Variants in FETUB observed in about 807,000 individuals in gnomAD.
The protein encoded by FETUB is fetuin-B.
In FETUB, 28 loss-of-function variants were observed where a neutral mutation model predicts 30.9. That is an observed-to-expected ratio of 0.90 (90% CI 0.67 to 1.24). FETUB has a LOEUF of 1.24. Among genes scored for constraint, FETUB ranks in the 50% most tolerant of loss-of-function variants. The pLI is 0.00. For synonymous variants in FETUB, 186 were observed against 175.9 expected, an observed-to-expected ratio of 1.06 and a Z score of -0.45; for missense variants, 469 against 455.3, an observed-to-expected ratio of 1.03 and a Z score of -0.27.
chr3:186,641,089 G>T lies in FETUB; in HGVS notation c.285G>T (p.Val95=). Residue 95 remains valine, a synonymous_variant, in exon 2 of 7, where the codon GTG becomes GTT. Coordinates refer to ENST00000265029, the MANE Select transcript of FETUB (RefSeq NM_014375.3). ...TLDVLETDCH[V]LRKKAWQDCG... ...ATGTGCTAGAGACTGACTGCCATGTGCTCAGAAAGAAGGCATGGCAAGACT... is the reference window on the plus strand; with the variant it reads ...ATGTGCTAGAGACTGACTGCCATGTTCTCAGAAAGAAGGCATGGCAAGACT... The T allele has an allele frequency of 6.2e-7, 1 of 1,613,964 alleles. No homozygotes were observed. The highest frequency in any genetic ancestry group is 2.2e-5 in the East Asian group (1 of 44,872).
rs1131364 is a variant in FETUB, at chr3:186,652,544, G to T, written c.1062G>T (p.Val354=). The part of the protein sequence containing the change: ...LFLEPMEEKL[V]VLPFPKEKAR... ...TGGAGCCTATGGAGGAGAAGCTGGT[G>T]GTCCTGCCTTTCCCCAAAGAAAAAG... Residue 354 remains valine, a synonymous_variant, in exon 7 of 7, where the codon GTG becomes GTT. Transcript: ENST00000265029. 791,488 of 1,613,690 alleles carry T rather than the reference G, an allele frequency of 0.49. 200,186 individuals are homozygous for T. The highest frequency in any genetic ancestry group is 0.75 in the African/African-American group (56,180 of 74,944).
upstream of FETUB, among the ~76,000 whole-genome samples, chr3:186,636,667 C>T (rs889207923): frequency 6.6e-6 from 1 of 152,178 alleles, no homozygotes; most frequent in Non-Finnish European, 1.5e-5. Flanking sequence ...GAAACTGCCA[C>T]AAGGTAGCCC....
intron 3 of FETUB, among the ~76,000 whole-genome samples, chr3:186,642,980 G>T (rs1363540886): frequency 6.6e-6 from 1 of 152,048 alleles, no homozygotes; most frequent in Non-Finnish European, 1.5e-5. Context: ...CTCTCCCTCT[G>T]CTGAGCATGC....
Position 186,652,384 on chromosome 3 carries a change from G to T in FETUB, c.902G>T (p.Arg301Ile). The T allele has an allele frequency of 6.2e-7, 1 of 1,613,794 alleles. No individual in the cohort carries two copies. Among genetic ancestry groups the T allele is most frequent in the Non-Finnish European group, 8.5e-7 (1 of 1,179,930 alleles). Residue 301 changes from arginine to isoleucine, a missense_variant, in exon 7 of 7, where the codon AGA (arginine) becomes ATA (isoleucine). By Grantham distance (97) the Arg-to-Ile change is moderately conservative. Coordinates refer to ENST00000265029, the MANE Select transcript of FETUB (RefSeq NM_014375.3). The stretch of plus-strand genomic sequence containing the variant: ...GACTCCCCCTCCAAAGCTGGGCCAA[G>T]AGGATCTGTCCAATATCTTCCTGAC... ...PTDSPSKAGP[R>I]GSVQYLPDLD...
rs370400557 is a variant in FETUB at position 186,642,424 on chromosome 3, C to T, written c.337-47C>T. On this transcript the variant is annotated intron_variant, in intron 2 of 6. Coordinates refer to ENST00000265029, the MANE Select transcript of FETUB (RefSeq NM_014375.3). ...TTTAATTTTGGAGGTATTTTAAAAGCTCATAGTTGCATTCGCTATGTCATA... is the reference window on the plus strand; with the variant it reads ...TTTAATTTTGGAGGTATTTTAAAAGTTCATAGTTGCATTCGCTATGTCATA... The T allele has an allele frequency of 7.9e-6, 8 of 1,015,840 alleles. No homozygotes were observed. In the Admixed American group the frequency reaches 1.4e-4, roughly 18 times the overall value. 62.9% of individuals were successfully genotyped at this position (1,015,840 alleles called of 1,614,324 possible). A position where few individuals can be genotyped will look rare whatever the true frequency, so the allele number is the denominator to read the frequency against.
At chr3:186,641,196 C>A in intron 2 of FETUB, 56 bp downstream of exon 2, 1 of 1,038,606 alleles carries the variant, frequency 9.6e-7, no homozygotes, top group Non-Finnish European at 1.5e-6. Flanking sequence ...AGTAGGTACA[C>A]TCTTTCTACA....
Position 186,641,116 on chromosome 3 carries a change from T to C in FETUB, c.312T>C (p.Cys104=), listed in dbSNP as rs1311426708. 6 of 1,612,590 alleles carry C rather than the reference T, an allele frequency of 3.7e-6. No individual in the cohort carries two copies. The Admixed American group carries it at 5.0e-5, about 13-fold the overall frequency. ...HVLRKKAWQD[C]GMRIFFESVY... Reference sequence around the variant, plus strand: ...TCAGAAAGAAGGCATGGCAAGACTGTGGAATGAGGATATTTTTTGAATCAG... The same window carrying C: ...TCAGAAAGAAGGCATGGCAAGACTGCGGAATGAGGATATTTTTTGAATCAG... The change falls in exon 2 of 7, where the codon TGT becomes TGC. Residue 104 remains cysteine (C), a synonymous_variant. Coordinates refer to ENST00000265029, the MANE Select transcript of FETUB (RefSeq NM_014375.3).
intron 3 of FETUB, among the ~76,000 whole-genome samples, chr3:186,643,408 G>A (rs1377490679): frequency 2.6e-5 from 4 of 152,138 alleles, no homozygotes; most frequent in Admixed American, 2.6e-4. Context: ...GTCCCCTGTC[G>A]AACAACTACG....
chr3:186,644,270 C>T (rs1000927591), intron 3 of FETUB, among the ~76,000 whole-genome samples: 2 of 152,166 alleles, frequency 1.3e-5, no homozygotes, highest in Non-Finnish European at 2.9e-5. Context: ...CATTTCTAAC[C>T]AAACGGGGTG....
intron 1 of FETUB, 36 bp downstream of exon 1, chr3:186,640,721 G>A: frequency 6.4e-7 from 1 of 1,562,460 alleles, no homozygotes. Flanking sequence ...GGGCAGGGAT[G>A]TGGGCAAGCT....
At position 186,652,632 on chromosome 3, in the gene FETUB, G is replaced by C; in HGVS notation, c.*1G>C. The C allele has an allele frequency of 6.3e-7, 1 of 1,599,110 alleles. No homozygotes were observed. Among genetic ancestry groups the C allele is most frequent in the Non-Finnish European group, 8.5e-7 (1 of 1,174,350 alleles). ...CAGCCCTCTTGTCCTTCCGCCATGA[G>C]AATCACACAGAGTCTTCTGTAGGGG... On this transcript the variant is annotated 3_prime_UTR_variant, in exon 7 of 7. Coordinates refer to ENST00000265029, the MANE Select transcript of FETUB (RefSeq NM_014375.3).
At chr3:186,645,000 G>A in intron 4 of FETUB, 80 bp downstream of exon 4, 1 of 1,173,264 alleles carries the variant, frequency 8.5e-7, no homozygotes. Context: ...GGAGGAAAAT[G>A]TCAAGGCACT....
At position 186,640,993 on chromosome 3, in the gene FETUB, T is replaced by C. The variant is rs749761072; in HGVS notation, c.226-37T>C. ...GTGGTCTTTCTAGGTTTCTACTTCC[T>C]GTGAAATGTATTGCATTTCTCTACC... On this transcript the variant is annotated intron_variant, in intron 1 of 6. Coordinates refer to ENST00000265029, the MANE Select transcript of FETUB (RefSeq NM_014375.3). 13 of 1,337,700 alleles carry C rather than the reference T, an allele frequency of 9.7e-6. No homozygotes were observed. The Middle Eastern group carries it at 5.4e-4, about 56-fold the overall frequency. The allele number at this position is 1,337,700 out of a possible 1,614,324, so 82.9% of individuals were successfully genotyped here.
chr3:186,643,123 C>T (rs1013792411), intron 3 of FETUB, among the ~76,000 whole-genome samples: 1 of 152,178 alleles, frequency 6.6e-6, no homozygotes, highest in African/African-American at 2.4e-5. Context: ...TTTGTCTAAA[C>T]TACTCAGGGA....
At chr3:186,637,197 T>C (rs766064341), upstream of FETUB, among the ~76,000 whole-genome samples, 3 of 152,134 alleles carry the variant, frequency 2.0e-5, no homozygotes, top group Non-Finnish European at 4.4e-5. Flanking sequence ...ATCAGTTTCA[T>C]ATATAGTGCC....
intron 5 of FETUB, among the ~76,000 whole-genome samples, chr3:186,648,820 A>G (rs112572620): frequency 4.6e-5 from 7 of 152,328 alleles, no homozygotes; most frequent in African/African-American, 1.7e-4. Context: ...GTGTGTAGAA[A>G]GACGATTGAT....
chr3:186,651,098 T>G, intron 5 of FETUB, 120 bp from the exon 6 acceptor site: 1 of 682,962 alleles, frequency 1.5e-6, no homozygotes, highest in Non-Finnish European at 2.7e-6. Flanking sequence ...AGAGTCTACC[T>G]GTTACATAGT....
intron 5 of FETUB, among the ~76,000 whole-genome samples, chr3:186,647,986 C>G (rs1482866467): frequency 2.0e-5 from 3 of 151,652 alleles, no homozygotes; most frequent in Non-Finnish European, 1.5e-5. Context: ...TCTTGAACAA[C>G]AACAACAACA....
chr3:186,644,488 C>T (rs1329095821), intron 3 of FETUB, among the ~76,000 whole-genome samples: 2 of 152,098 alleles, frequency 1.3e-5, no homozygotes, highest in Non-Finnish European at 2.9e-5. Flanking sequence ...GGAAAAGGTC[C>T]TATTTTAATA....
Sources: allele counts gnomAD v4.1 joint callset (sites outside exome capture counted in the v4.1 genomes callset), GRCh38; gene constraint gnomAD v4.1.1; transcripts MANE v1.5; gene names NCBI Gene and HGNC (gene_info 2026-07-23, HGNC 2026-07-21).